Variants in NPC2 observed in about 807,000 individuals in gnomAD.
NPC2 encodes NPC intracellular cholesterol transporter 2, also known as Niemann-Pick disease type C2 protein.
Under a neutral mutation model 17.0 loss-of-function variants are expected in NPC2, and 14 were observed. The ratio of observed to expected loss-of-function variants is 0.82; its 90% CI spans 0.54 to 1.29. The LOEUF is 1.29. Among genes scored for constraint, NPC2 ranks in the 50% most tolerant of loss-of-function variants. NPC2 has a pLI of 0.00. For missense variants in NPC2, 167 were observed against 183.4 expected (o/e 0.91, Z 0.52); for synonymous variants, 75 against 69.3 (o/e 1.08, Z -0.41).
At chr14:74,487,263 G>GTTTTTTTTTTTTTTTTTTTTTTTTT (rs1208707592) in intron 1 of NPC2, among the ~76,000 whole-genome samples, 2 of 134,952 alleles carry the variant, frequency 1.5e-5, no homozygotes, top group African/African-American at 2.9e-5. Context: ...TTGTTTTTGT[G>GTTTTTTTTTTTTTTTTTTTTTTTTT]GTTTTTTTTT....
rs1352203929 is a variant in NPC2 at position 74,480,787 on chromosome 14, A to C, written c.364-8T>G. The C allele has an allele frequency of 5.6e-6, 9 of 1,610,952 alleles. No individual in the cohort carries two copies. Among genetic ancestry groups the C allele is most frequent in the African/African-American group, 1.3e-5 (1 of 74,990 alleles). On this transcript the variant is annotated splice_polypyrimidine_tract_variant and splice_region_variant and intron_variant, in intron 3 of 4. Transcript: ENST00000555619. Reference sequence around the variant, plus strand: ...CTCCACCACCAGTTTTATCTGGAGAAAGAGAAAAATAATTGAGAAAAATGA... The same window carrying C: ...CTCCACCACCAGTTTTATCTGGAGACAGAGAAAAATAATTGAGAAAAATGA...
At chr14:74,481,321 T>C (rs1055906872) in intron 3 of NPC2, among the ~76,000 whole-genome samples, 14 of 152,236 alleles carry the variant, frequency 9.2e-5, no homozygotes, top group Non-Finnish European at 1.9e-4. Context: ...TGGCTCCCCT[T>C]TGCCTTCTGT....
intron 1 of NPC2, among the ~76,000 whole-genome samples, chr14:74,487,256 T>C (rs1371387242): frequency 4.1e-5 from 6 of 144,918 alleles, no homozygotes; most frequent in Admixed American, 7.0e-5. Context: ...CCCTGTTTTG[T>C]TTTTGTGGTT....
At chr14:74,483,478 G>A in intron 3 of NPC2, 2 of 1,564,376 alleles carry the variant, frequency 1.3e-6, no homozygotes, top group Non-Finnish European at 1.8e-6. Context: ...AAAAGAAACA[G>A]CCTAAAAAGA....
At chr14:74,491,489 T>C (rs984968814) in intron 1 of NPC2, among the ~76,000 whole-genome samples, 1 of 152,204 alleles carries the variant, frequency 6.6e-6, no homozygotes, top group African/African-American at 2.4e-5. Context: ...CCTAAATCAA[T>C]GGAATAGCAT....
intron 1 of NPC2, among the ~76,000 whole-genome samples, chr14:74,487,042 C>G (rs367825804): frequency 6.8e-4 from 103 of 151,916 alleles, no homozygotes; most frequent in African/African-American, 2.3e-3. Context: ...ACCTCCACCC[C>G]CCGGGTTCAA....
chr14:74,487,545 GCA>G, intron 1 of NPC2, among the ~76,000 whole-genome samples: 1 of 152,184 alleles, frequency 6.6e-6, no homozygotes, highest in East Asian at 1.9e-4. Flanking sequence ...GGGATTACAG[GCA>G]TGAGCCACCG....
chr14:74,480,634 G>A lies in NPC2; in HGVS notation c.441+68C>T, dbSNP rs61738594. On this transcript the variant is annotated intron_variant, in intron 4 of 4. Coordinates refer to ENST00000555619, the MANE Select transcript of NPC2 (RefSeq NM_006432.5). ...CCTTTTATCTTATGGCACTGATTTA[G>A]TTTCAGTCTGATTTCTCCTCCACTT... is the stretch of plus-strand genomic sequence containing the variant. 2.4e-3 allele frequency: 3,049 copies of A among 1,276,694 alleles called. 59 individuals are homozygous for A. The African/African-American group carries it at 0.04, about 17-fold the overall frequency. The allele number at this position is 1,276,694 out of a possible 1,614,324, so 79.1% of individuals were successfully genotyped here.
At chr14:74,490,003 GGGTA>G (rs1464470034) in intron 1 of NPC2, among the ~76,000 whole-genome samples, 1 of 152,186 alleles carries the variant, frequency 6.6e-6, no homozygotes, top group Non-Finnish European at 1.5e-5. Context: ...AGCTGCTCCT[GGGTA>G]GGTTAGCAAG....
Position 74,483,476 on chromosome 14 carries a change from C to T in NPC2, c.363+939G>A, listed in dbSNP as rs879117246. On this transcript the variant is annotated intron_variant, in intron 3 of 4. Coordinates refer to ENST00000555619, the MANE Select transcript of NPC2 (RefSeq NM_006432.5). ...TAGAAAAACACCAGTGGAAAAGAAA[C>T]AGCCTAAAAAGAAATCATGTCTGCT... 3.7e-5 allele frequency: 58 copies of T among 1,562,988 alleles called. No individual in the cohort carries two copies. In the Admixed American group the frequency reaches 9.5e-4, roughly 26 times the overall value.
chr14:74,492,883 A>G (rs2086790556), intron 1 of NPC2, among the ~76,000 whole-genome samples: 1 of 152,260 alleles, frequency 6.6e-6, no homozygotes, highest in African/African-American at 2.4e-5. Context: ...CCCCTCCACC[A>G]GAGCTGGATA....
chr14:74,480,325 T>G lies in NPC2; in HGVS notation c.442-37A>C, dbSNP rs113605677. ...ATGTCCCAGCTCAGTGGAAGTGGTT[T>G]GGAACCTTTCCTCCACTGTCAGGGC... On this transcript the variant is annotated intron_variant, in intron 4 of 4. Transcript: ENST00000555619. 4 of 1,570,228 alleles carry G rather than the reference T, an allele frequency of 2.5e-6. No individual in the cohort carries two copies. In the African/African-American group the frequency reaches 4.1e-5, roughly 16 times the overall value.
intron 4 of NPC2, 52 bp from the exon 5 acceptor site, chr14:74,480,340 A>G (rs771814910): frequency 1.3e-6 from 2 of 1,491,434 alleles, no homozygotes; most frequent in South Asian, 2.3e-5. Flanking sequence ...CCTTTCCTCC[A>G]CTGTCAGGGC....
intron 1 of NPC2, among the ~76,000 whole-genome samples, chr14:74,487,264 G>GTT (rs1491518755): frequency 4.2e-5 from 6 of 142,978 alleles, no homozygotes; most frequent in South Asian, 2.2e-4. Context: ...TGTTTTTGTG[G>GTT]TTTTTTTTTG....
chr14:74,492,860 G>A lies in NPC2; in HGVS notation c.82+333C>T, dbSNP rs543172387. 3.9e-5 allele frequency among the ~76,000 whole-genome samples: 6 copies of A among 152,240 alleles called. No individual in the cohort carries two copies. The East Asian group carries it at 1.2e-3, about 29-fold the overall frequency. ...AGATACAAAGCATAAATAAAAAGAA[G>A]TTCTGTGCTCCACCCCTCCACCAGA... On this transcript the variant is annotated intron_variant, in intron 1 of 4. Coordinates refer to ENST00000555619, the MANE Select transcript of NPC2 (RefSeq NM_006432.5).
At chr14:74,491,095 A>T (rs977746764) in intron 1 of NPC2, among the ~76,000 whole-genome samples, 1 of 152,066 alleles carries the variant, frequency 6.6e-6, no homozygotes, top group Admixed American at 6.6e-5. Flanking sequence ...TTTTTTTGAG[A>T]CGGAGTCTTG....
chr14:74,484,408 C>T lies in NPC2; in HGVS notation c.363+7G>A, dbSNP rs200463204. 1,655 of 1,614,012 alleles carry T rather than the reference C, an allele frequency of 1.0e-3. 5 individuals carry two copies. Among genetic ancestry groups the T allele is most frequent in the Non-Finnish European group, 9.6e-4 (1,135 of 1,179,956 alleles). ...CCTCCCGTGTCCTCAATAATGGTAT[C>T]ACTTACAGAGGGATATTCGCTTTTC... On this transcript the variant is annotated splice_region_variant and intron_variant, in intron 3 of 4. Transcript: ENST00000555619.
chr14:74,487,456 A>T (rs964940483), intron 1 of NPC2, among the ~76,000 whole-genome samples: 8 of 151,934 alleles, frequency 5.3e-5, no homozygotes, highest in Non-Finnish European at 1.0e-4. Context: ...TTGTAGAGAC[A>T]GGGTTTCACC....
At chr14:74,482,975 C>CGG in intron 3 of NPC2, 1 of 698,606 alleles carries the variant, frequency 1.4e-6, no homozygotes, top group Non-Finnish European at 2.7e-6. Flanking sequence ...GACCACATCA[C>CGG]GGGTGAGCTA....
Sources: allele counts gnomAD v4.1 joint callset (sites outside exome capture counted in the v4.1 genomes callset), GRCh38; gene constraint gnomAD v4.1.1; transcripts MANE v1.5; gene names NCBI Gene and HGNC (gene_info 2026-07-23, HGNC 2026-07-21).